Variants in SNX2 observed in about 807,000 individuals in gnomAD.
The protein encoded by SNX2 is sorting nexin 2.
In SNX2, 25 loss-of-function variants were observed where a neutral mutation model predicts 69.9. That is an observed-to-expected ratio of 0.36 (90% CI 0.26 to 0.50). The LOEUF (loss-of-function observed/expected upper bound fraction) is 0.50. SNX2 is among the 20% of genes least tolerant of loss of function. SNX2 has a pLI of 0.97. For missense variants in SNX2, 551 were observed against 613.3 expected (o/e 0.90, Z 1.07); for synonymous variants, 229 against 200.4 (o/e 1.14, Z -1.20).
chr5:122,816,110 TAATTA>T, intron 8 of SNX2, 139 bp downstream of exon 8: 1 of 443,308 alleles, frequency 2.3e-6, no homozygotes, highest in Non-Finnish European at 4.0e-6. Context: ...CTTAGTGCTT[TAATTA>T]CCCTGCTAAA....
At chr5:122,825,473 T>G (rs1325831138) in intron 11 of SNX2, among the ~76,000 whole-genome samples, 9 of 152,058 alleles carry the variant, frequency 5.9e-5, no homozygotes. Context: ...AGTGTATATA[T>G]AAAAAATATA....
chr5:122,811,808 AGAGT>A (rs1753782712), intron 7 of SNX2, among the ~76,000 whole-genome samples: 1 of 142,134 alleles, frequency 7.0e-6, no homozygotes, highest in South Asian at 2.2e-4. Context: ...GCCTGTCGAC[AGAGT>A]GAGACTCCGT....
rs1491390353 is a variant in SNX2, at chr5:122,806,135, C to CGT, written c.644-2141_644-2140insTG. On this transcript the variant is annotated intron_variant, in intron 6 of 14. Coordinates refer to ENST00000379516, the MANE Select transcript of SNX2 (RefSeq NM_003100.4). Reference sequence around the variant, plus strand: ...GTGCGTGTGTGTATATATATACACACGCGCGCGCACACACACACACACACA... The same window carrying CGT: ...GTGCGTGTGTGTATATATATACACACGTGCGCGCGCACACACACACACACACA... 7.3e-3 allele frequency among the ~76,000 whole-genome samples: 146 copies of CGT among 20,012 alleles called. 1 individual carries two copies. Among genetic ancestry groups the CGT allele is most frequent in the South Asian group, 0.046 (16 of 346 alleles). 13.1% of individuals were successfully genotyped at this position (20,012 alleles called of 152,430 possible). A position where few individuals can be genotyped will look rare whatever the true frequency, so the allele number is the denominator to read the frequency against.
intron 2 of SNX2, among the ~76,000 whole-genome samples, chr5:122,797,323 G>GA (rs1753403094): frequency 6.6e-6 from 1 of 152,188 alleles, no homozygotes; most frequent in South Asian, 2.1e-4. Context: ...TAAAAAAAGA[G>GA]AGAGATGGGA....
chr5:122,780,017 T>A (rs544187033), intron 1 of SNX2, among the ~76,000 whole-genome samples: 182 of 152,302 alleles, frequency 1.2e-3, no homozygotes, highest in African/African-American at 4.2e-3. Context: ...TAATAACAGA[T>A]TAAAAGATAA....
intron 1 of SNX2, among the ~76,000 whole-genome samples, chr5:122,793,546 A>T (rs1461334271): frequency 6.6e-6 from 1 of 152,158 alleles, no homozygotes; most frequent in South Asian, 2.1e-4. Context: ...GAGTTTTTGA[A>T]ACTATCTAGC....
At chr5:122,817,550 A>G (rs1753925851) in intron 10 of SNX2, among the ~76,000 whole-genome samples, 177 bp downstream of exon 10, 1 of 152,102 alleles carries the variant, frequency 6.6e-6, no homozygotes, top group African/African-American at 2.4e-5. Context: ...ATTTTGCTTT[A>G]CTATCTAGTT....
At chr5:122,824,817 T>C (rs1754117703) in intron 11 of SNX2, among the ~76,000 whole-genome samples, 1 of 152,224 alleles carries the variant, frequency 6.6e-6, no homozygotes, top group Non-Finnish European at 1.5e-5. Flanking sequence ...TACATGTGTA[T>C]GTTATTTAGA....
At chr5:122,825,505 C>T (rs1198673451) in intron 11 of SNX2, among the ~76,000 whole-genome samples, 1 of 151,898 alleles carries the variant, frequency 6.6e-6, no homozygotes, top group Non-Finnish European at 1.5e-5. Context: ...TCATCTTTTG[C>T]CCTTTTCATC....
Position 122,831,511 on chromosome 5 carries a change from G to A in SNX2, c.*1863G>A, listed in dbSNP as rs535516452. Among the ~76,000 whole-genome samples the A allele has an allele frequency of 2.0e-5, 3 of 152,280 alleles. No homozygotes were observed. Among genetic ancestry groups the A allele is most frequent in the African/African-American group, 7.2e-5 (3 of 41,562 alleles). On this transcript the variant is annotated 3_prime_UTR_variant, in exon 15 of 15. Coordinates refer to ENST00000379516, the MANE Select transcript of SNX2 (RefSeq NM_003100.4). ...TCTAAAAAAAATGAAGACTTGATGA[G>A]TTGAACAGGGAAAACAAAAGTTTGC... is the stretch of plus-strand genomic sequence containing the variant.
intron 2 of SNX2, 92 bp from the exon 3 acceptor site, chr5:122,799,599 TA>T: frequency 1.3e-6 from 1 of 746,138 alleles, no homozygotes; most frequent in Non-Finnish European, 2.0e-6. Flanking sequence ...GTGGGTAATA[TA>T]AAAATATTTT....
At chr5:122,776,423 C>T (rs990752841) in intron 1 of SNX2, among the ~76,000 whole-genome samples, 1 of 152,036 alleles carries the variant, frequency 6.6e-6, no homozygotes, top group Non-Finnish European at 1.5e-5. Context: ...AAATCTTGAA[C>T]ATGTGTATTT....
rs879489736 is a variant in SNX2 at position 122,829,773 on chromosome 5, T to TAC, written c.*126_*127insCA. 43 of 608,698 alleles carry TAC rather than the reference T, an allele frequency of 7.1e-5. No homozygotes were observed. The highest frequency in any genetic ancestry group is 1.4e-4 in the South Asian group (8 of 55,850). The allele number at this position is 608,698 out of a possible 1,614,324, so 37.7% of individuals were successfully genotyped here. A position where few individuals can be genotyped will look rare whatever the true frequency, so the allele number is the denominator to read the frequency against. On this transcript the variant is annotated 3_prime_UTR_variant, in exon 15 of 15. Coordinates refer to ENST00000379516, the MANE Select transcript of SNX2 (RefSeq NM_003100.4). ...ATTTTATGAATTACATGTGGTTTTA[T>TAC]ATACACACACACACACACACACACA...
chr5:122,782,153 A>G (rs529693183), intron 1 of SNX2, among the ~76,000 whole-genome samples: 1 of 152,306 alleles, frequency 6.6e-6, no homozygotes, highest in African/African-American at 2.4e-5. Context: ...ACTAATGCCT[A>G]ATGTTGCTGA....
Position 122,829,801 on chromosome 5 carries a change from CA to C in SNX2, c.*154del. On this transcript the variant is annotated 3_prime_UTR_variant, in exon 15 of 15. Transcript: ENST00000379516. The stretch of plus-strand genomic sequence containing the variant: ...ACACACACACACACACACACACACA[CA>C]CACACACACTCTGACATTTTATTAC... 1.7e-6 allele frequency: 1 copy of C among 571,838 alleles called. No homozygotes were observed. Among genetic ancestry groups the C allele is most frequent in the Non-Finnish European group, 3.1e-6 (1 of 318,632 alleles). 35.4% of individuals were successfully genotyped at this position (571,838 alleles called of 1,614,324 possible). A position where few individuals can be genotyped will look rare whatever the true frequency, so the allele number is the denominator to read the frequency against.
At chr5:122,829,032 C>T (rs903081131) in intron 14 of SNX2, among the ~76,000 whole-genome samples, 2 of 151,878 alleles carry the variant, frequency 1.3e-5, no homozygotes, top group African/African-American at 4.8e-5. Flanking sequence ...GGCAGGGAAT[C>T]GCTTGAACTG....
At chr5:122,824,175 C>T (rs1001213553) in intron 11 of SNX2, among the ~76,000 whole-genome samples, 2 of 147,806 alleles carry the variant, frequency 1.4e-5, no homozygotes, top group Admixed American at 1.4e-4. Context: ...GCACTCCAGC[C>T]TGGGCAACAG....
chr5:122,790,356 G>C lies in SNX2; in HGVS notation c.109-4910G>C, dbSNP rs187109409. Among the ~76,000 whole-genome samples the C allele has an allele frequency of 9.9e-5, 15 of 152,140 alleles. No individual in the cohort carries two copies. In the East Asian group the frequency reaches 2.9e-3, roughly 29 times the overall value. On this transcript the variant is annotated intron_variant, in intron 1 of 14. Transcript: ENST00000379516. Reference sequence around the variant, plus strand: ...GGCTGGTCTTGAACTTCTGACCTCAGGTGATCCACCCACCTCAGCCTCCCA... The same window carrying C: ...GGCTGGTCTTGAACTTCTGACCTCACGTGATCCACCCACCTCAGCCTCCCA...
At chr5:122,829,564 T>G in intron 14 of SNX2, 34 bp from the exon 15 acceptor site, 257 of 1,554,728 alleles carry the variant, frequency 1.7e-4, no homozygotes, top group Non-Finnish European at 2.0e-4. Context: ...AAAAAGGTAA[T>G]GAGAATAACT....
Sources: gnomAD v4.1 joint callset for allele counts (sites outside exome capture counted in the v4.1 genomes callset) on GRCh38, gnomAD v4.1.1 for gene constraint, MANE v1.5 for transcripts, NCBI Gene and HGNC (gene_info 2026-07-23, HGNC 2026-07-21) for gene names.